Variants in PCNX1 observed in about 807,000 individuals in gnomAD.
PCNX1 encodes the protein pecanex-like protein 1.
A neutral mutation model predicts 242.2 loss-of-function variants in PCNX1; 78 were observed. The ratio of observed to expected loss-of-function variants is 0.32; its 90% CI spans 0.27 to 0.39. The LOEUF is 0.39. Among genes scored for constraint, PCNX1 ranks in the 10% least tolerant of loss-of-function variants. The pLI is 1.00. For missense variants in PCNX1, 2,581 were observed against 2,856.5 expected, an observed-to-expected ratio of 0.90 and a Z score of 2.20; for synonymous variants, 1,024 against 1,032.9, an observed-to-expected ratio of 0.99 and a Z score of 0.17.
intron 2 of PCNX1, among the ~76,000 whole-genome samples, chr14:70,951,469 G>A (rs2057775896): frequency 6.6e-6 from 1 of 152,036 alleles, no homozygotes; most frequent in Admixed American, 6.6e-5. Context: ...CCACCTCCCA[G>A]GTTCAAACGG....
At chr14:71,018,586 A>G (rs1371905327) in intron 11 of PCNX1, among the ~76,000 whole-genome samples, 1 of 152,180 alleles carries the variant, frequency 6.6e-6, no homozygotes, top group Non-Finnish European at 1.5e-5. Context: ...TTTGCCATAT[A>G]ACAAATGTTT....
At chr14:71,043,925 T>A (rs2060784720) in intron 19 of PCNX1, among the ~76,000 whole-genome samples, 1 of 152,226 alleles carries the variant, frequency 6.6e-6, no homozygotes, top group Non-Finnish European at 1.5e-5. Flanking sequence ...CTTACATTGA[T>A]ATCTGCACAT....
rs534930540 is a variant in PCNX1 at position 71,050,406 on chromosome 14, A to G, written c.4339-246A>G. Among the ~76,000 whole-genome samples the G allele has an allele frequency of 8.5e-4, 129 of 152,234 alleles. 1 individual carries two copies. The highest frequency in any genetic ancestry group is 3.1e-3 in the African/African-American group (128 of 41,558). ...GTAGAAGGCATAGAATTTTTTTTAA[A>G]CAGATGAAACATAAATCCATATATA... On this transcript the variant is annotated intron_variant, in intron 22 of 35. Transcript: ENST00000304743.
chr14:70,976,898 A>G, intron 5 of PCNX1, 44 bp from the exon 6 acceptor site: 1 of 1,533,976 alleles, frequency 6.5e-7, no homozygotes, highest in South Asian at 1.2e-5. Context: ...AGAAAAGCAG[A>G]TCATACATTT....
At chr14:70,957,003 A>ATTG (rs931200670) in intron 2 of PCNX1, among the ~76,000 whole-genome samples, 2 of 151,270 alleles carry the variant, frequency 1.3e-5, no homozygotes, top group African/African-American at 4.9e-5. Context: ...TATTATTATT[A>ATTG]TTATTATTTT....
chr14:71,070,656 T>C (rs199981213), intron 26 of PCNX1, among the ~76,000 whole-genome samples: 1 of 152,204 alleles, frequency 6.6e-6, no homozygotes, highest in East Asian at 1.9e-4. Flanking sequence ...GCTTAAAATA[T>C]CCAGTAAACC....
At chr14:71,057,879 C>A (rs559978640) in intron 26 of PCNX1, among the ~76,000 whole-genome samples, 155 bp downstream of exon 26, 1 of 152,162 alleles carries the variant, frequency 6.6e-6, no homozygotes, top group Non-Finnish European at 1.5e-5. Context: ...GATTTTTTCA[C>A]CCCACATTCC....
At chr14:70,930,089 C>G (rs540042786) in intron 1 of PCNX1, among the ~76,000 whole-genome samples, 1 of 151,508 alleles carries the variant, frequency 6.6e-6, no homozygotes, top group East Asian at 1.9e-4. Context: ...TCTTCTCATG[C>G]ATGTGTGTGT....
Position 71,050,698 on chromosome 14 carries a change from C to A in PCNX1, c.4385C>A (p.Ala1462Asp). The A allele has an allele frequency of 6.2e-7, 1 of 1,612,740 alleles. No individual in the cohort carries two copies. The highest frequency in any genetic ancestry group is 8.5e-7 in the Non-Finnish European group (1 of 1,179,244). ...TTGCAGTTTGTGTATACCTATATTG[C>A]CCCATGGCAGATCACATGGGGTTCT... ...YKLQFVYTYI[A>D]PWQITWGSAF... is the part of the protein sequence containing the mutation. Residue 1462 changes from alanine to aspartate, a missense_variant, in exon 23 of 36, where the codon GCC (alanine) becomes GAC (aspartate). Ala to Asp is a moderately radical substitution (Grantham distance 126, BLOSUM62 -2). This residue lies in a region of PCNX1 where 99 missense variants were observed against 147.3 expected (regional missense o/e 0.67). Transcript: ENST00000304743.
chr14:71,020,608 C>T (rs1191113092), intron 12 of PCNX1, among the ~76,000 whole-genome samples: 1 of 152,154 alleles, frequency 6.6e-6, no homozygotes, highest in Non-Finnish European at 1.5e-5. Context: ...CCTTCACCCA[C>T]TTTTGGATGG....
chr14:71,013,095 A>G lies in PCNX1; in HGVS notation c.2889A>G (p.Thr963=). 2 of 1,614,162 alleles carry G rather than the reference A, an allele frequency of 1.2e-6. No individual in the cohort carries two copies. The highest frequency in any genetic ancestry group is 1.7e-6 in the Non-Finnish European group (2 of 1,179,982). ...ACTTGGCAGCTACTTACGGCCCAAC[A>G]GAAGAAGCTGCCCAAAAGGTTAAAC... ...SPDLAATYGP[T]EEAAQKVKHY... is the part of the protein sequence containing the mutation. The change falls in exon 11 of 36, where the codon ACA becomes ACG. Residue 963 remains threonine, a synonymous_variant. Transcript: ENST00000304743.
At chr14:71,026,398 A>G (rs559628653) in intron 14 of PCNX1, 110 bp downstream of exon 14, 1 of 659,910 alleles carries the variant, frequency 1.5e-6, no homozygotes, top group African/African-American at 1.8e-5. Flanking sequence ...AGCTTATTTT[A>G]CTGTTATTAT....
At chr14:70,967,124 G>A (rs756745610) in intron 3 of PCNX1, among the ~76,000 whole-genome samples, 4 of 152,134 alleles carry the variant, frequency 2.6e-5, no homozygotes, top group Middle Eastern at 3.2e-3. Context: ...CTTACACAGC[G>A]TAGTGCACAC....
At chr14:70,957,500 T>A (rs2058039414) in intron 2 of PCNX1, among the ~76,000 whole-genome samples, 1 of 152,130 alleles carries the variant, frequency 6.6e-6, no homozygotes, top group Non-Finnish European at 1.5e-5. Flanking sequence ...GAAAACATTA[T>A]GCTAAGTGAA....
At chr14:71,003,701 T>A (rs751307481) in intron 8 of PCNX1, among the ~76,000 whole-genome samples, 1 of 152,166 alleles carries the variant, frequency 6.6e-6, no homozygotes, top group Non-Finnish European at 1.5e-5. Context: ...AACAATTAAT[T>A]AAGGCATGTT....
At chr14:70,975,096 TTTG>T (rs1274665406) in intron 5 of PCNX1, among the ~76,000 whole-genome samples, 1 of 152,182 alleles carries the variant, frequency 6.6e-6, no homozygotes, top group Non-Finnish European at 1.5e-5. Flanking sequence ...AAAAAAACCT[TTTG>T]TTATCTTAGA....
At chr14:70,939,249 G>C (rs1416873322) in intron 1 of PCNX1, among the ~76,000 whole-genome samples, 1 of 152,164 alleles carries the variant, frequency 6.6e-6, no homozygotes, top group Non-Finnish European at 1.5e-5. Flanking sequence ...GATCTTTCCT[G>C]CTTTCTCTTC....
At chr14:70,972,302 A>C (rs964932714) in intron 5 of PCNX1, among the ~76,000 whole-genome samples, 1 of 152,080 alleles carries the variant, frequency 6.6e-6, no homozygotes, top group African/African-American at 2.4e-5. Context: ...AGGGCCTATC[A>C]GGTGCTGTTA....
At chr14:71,037,390 G>GT in intron 19 of PCNX1, among the ~76,000 whole-genome samples, 1 of 136,590 alleles carries the variant, frequency 7.3e-6, no homozygotes, top group Non-Finnish European at 1.6e-5. Context: ...AATGCTTCCA[G>GT]TTTTTGCCCA....
Sources: gnomAD v4.1 joint callset for allele counts (sites outside exome capture counted in the v4.1 genomes callset) on GRCh38, gnomAD v4.1.1 for gene constraint, gnomAD v4.1.1 regional missense constraint, MANE v1.5 for transcripts, NCBI Gene and HGNC (gene_info 2026-07-23, HGNC 2026-07-21) for gene names.